The following PTPRT variants were observed in gnomAD, a reference collection of about 807,000 sequenced individuals.
PTPRT encodes receptor-type tyrosine-protein phosphatase T.
Under a neutral mutation model 176.8 loss-of-function variants are expected in PTPRT, and 56 were observed. The observed-to-expected ratio is 0.32, with a 90% CI of 0.26 to 0.40. The LOEUF (loss-of-function observed/expected upper bound fraction) is 0.40. PTPRT is among the 10% of genes least tolerant of loss of function. The pLI is 1.00. For synonymous variants in PTPRT, 783 were observed against 739.0 expected (o/e 1.06, Z -0.96); for missense variants, 1,540 against 1,908.2 (o/e 0.81, Z 3.60).
intron 11 of PTPRT, among the ~76,000 whole-genome samples, chr20:42,342,056 A>G (rs757683316): frequency 2.0e-5 from 3 of 152,212 alleles, no homozygotes; most frequent in Admixed American, 6.5e-5. Context: ...AAACCCACCT[A>G]CATTATTTGG....
At chr20:42,680,823 A>T (rs2075590426) in intron 6 of PTPRT, among the ~76,000 whole-genome samples, 1 of 152,214 alleles carries the variant, frequency 6.6e-6, no homozygotes, top group African/African-American at 2.4e-5. Context: ...TTCTAATGGC[A>T]TGTGCAAGTA....
intron 11 of PTPRT, among the ~76,000 whole-genome samples, chr20:42,327,951 C>T (rs778115041): frequency 2.0e-5 from 3 of 151,918 alleles, no homozygotes; most frequent in Non-Finnish European, 4.4e-5. Context: ...ACAAAGGACA[C>T]ACATAAAAAT....
rs1491165117 is a variant in PTPRT, at chr20:42,446,621, T to TGTGTGTGTGTGTGTGA, written c.1560+1598_1560+1599insTCACACACACACACAC. ...GTGTGTGTGTGTGTGTGTGTGTGTG[T>TGTGTGTGTGTGTGTGA]GAGAGAGAGAGAGAGATTGTGGTTT... On this transcript the variant is annotated intron_variant, in intron 9 of 30. Transcript: ENST00000373187. Among the ~76,000 whole-genome samples the TGTGTGTGTGTGTGTGA allele has an allele frequency of 1.2e-4, 15 of 130,164 alleles. No homozygotes were observed. In the East Asian group the frequency reaches 2.2e-3, roughly 19 times the overall value. The allele number at this position is 130,164 out of a possible 152,430, so 85.4% of individuals were successfully genotyped here. A position where few individuals can be genotyped will look rare whatever the true frequency, so the allele number is the denominator to read the frequency against.
chr20:42,121,758 T>C (rs1987605276), intron 19 of PTPRT, among the ~76,000 whole-genome samples: 1 of 150,340 alleles, frequency 6.7e-6, no homozygotes, highest in Non-Finnish European at 1.5e-5. Context: ...GAGATATATA[T>C]ATATAGATGT....
intron 9 of PTPRT, among the ~76,000 whole-genome samples, chr20:42,432,665 A>G (rs947183206): frequency 6.6e-6 from 1 of 152,226 alleles, no homozygotes; most frequent in Non-Finnish European, 1.5e-5. Context: ...CAGGCCATCA[A>G]TCCAGCTACA....
intron 7 of PTPRT, among the ~76,000 whole-genome samples, chr20:42,591,955 T>C (rs1046329645): frequency 6.6e-6 from 1 of 150,604 alleles, no homozygotes; most frequent in Non-Finnish European, 1.5e-5. Flanking sequence ...ATTATGGTCA[T>C]GGTCAGTTTG....
intron 6 of PTPRT, among the ~76,000 whole-genome samples, chr20:42,742,071 G>A (rs971643649): frequency 6.6e-6 from 1 of 152,240 alleles, no homozygotes; most frequent in Non-Finnish European, 1.5e-5. Context: ...AAAAGCCACA[G>A]AGATGAGTGC....
At chr20:42,979,207 G>A (rs1163368831) in intron 1 of PTPRT, among the ~76,000 whole-genome samples, 2 of 151,878 alleles carry the variant, frequency 1.3e-5, no homozygotes, top group African/African-American at 4.8e-5. Context: ...TCTTACATGA[G>A]TTGTAAGAAA....
intron 1 of PTPRT, among the ~76,000 whole-genome samples, chr20:43,038,841 C>T (rs1179386119): frequency 6.6e-6 from 1 of 151,860 alleles, no homozygotes; most frequent in Non-Finnish European, 1.5e-5. Flanking sequence ...AACCCATATA[C>T]AAAAGAAATA....
chr20:42,966,298 C>T (rs764012955), intron 1 of PTPRT: 13 of 152,192 alleles, frequency 8.5e-5, no homozygotes, highest in Non-Finnish European at 1.8e-4. Context: ...TGCCTAGTAG[C>T]TTACCTTAAT....
chr20:42,457,744 T>C (rs1269374099), intron 8 of PTPRT, among the ~76,000 whole-genome samples: 2 of 152,188 alleles, frequency 1.3e-5, no homozygotes, highest in Non-Finnish European at 2.9e-5. Flanking sequence ...AGATTCTCCG[T>C]GGCAAGAGGG....
intron 1 of PTPRT, among the ~76,000 whole-genome samples, chr20:42,924,272 G>C (rs1196363245): frequency 6.6e-6 from 1 of 152,136 alleles, no homozygotes; most frequent in African/African-American, 2.4e-5. Flanking sequence ...GTGCTACAAA[G>C]CCCTGGATGA....
chr20:42,940,997 G>T (rs530367655), intron 1 of PTPRT, among the ~76,000 whole-genome samples: 1 of 151,778 alleles, frequency 6.6e-6, no homozygotes, highest in African/African-American at 2.4e-5. Flanking sequence ...CAGAAGAATC[G>T]CTTGAACCTG....
chr20:42,617,341 C>T (rs2074101455), intron 7 of PTPRT, among the ~76,000 whole-genome samples: 2 of 136,406 alleles, frequency 1.5e-5, no homozygotes, highest in Admixed American at 1.4e-4. Context: ...TTCGGTTTGC[C>T]AGTATTTTAT....
At chr20:42,928,727 G>A (rs944312664) in intron 1 of PTPRT, among the ~76,000 whole-genome samples, 7 of 152,162 alleles carry the variant, frequency 4.6e-5, no homozygotes, top group Admixed American at 1.3e-4. Flanking sequence ...TCCAGGTATT[G>A]GAGCCTCCAC....
chr20:42,523,142 T>C (rs2072206814), intron 7 of PTPRT, among the ~76,000 whole-genome samples: 1 of 152,198 alleles, frequency 6.6e-6, no homozygotes, highest in South Asian at 2.1e-4. Flanking sequence ...GCAAGATCCT[T>C]CACAGTTTTA....
intron 1 of PTPRT, among the ~76,000 whole-genome samples, chr20:43,013,537 G>T (rs556480158): frequency 6.6e-6 from 1 of 152,074 alleles, no homozygotes. Flanking sequence ...GACAGAAAGT[G>T]GGGGGTACAT....
chr20:42,054,760 C>T, the PTPRT span, among the ~76,000 whole-genome samples: 1 of 152,176 alleles, frequency 6.6e-6, no homozygotes, highest in Non-Finnish European at 1.5e-5. Context: ...AGCTCTCTAC[C>T]AGTGTCAGGG....
intron 7 of PTPRT, among the ~76,000 whole-genome samples, chr20:42,674,764 T>C (rs1330363684): frequency 6.6e-6 from 1 of 152,194 alleles, no homozygotes; most frequent in Non-Finnish European, 1.5e-5. Context: ...CTGTTCAGCA[T>C]AGTGGTTCAA....
Sources: allele counts gnomAD v4.1 joint callset (sites outside exome capture counted in the v4.1 genomes callset), GRCh38; gene constraint gnomAD v4.1.1; transcripts MANE v1.5; gene names NCBI Gene and HGNC (gene_info 2026-07-23, HGNC 2026-07-21).